The following NFIA variants were observed in gnomAD, a reference collection of about 807,000 sequenced individuals.
The protein encoded by NFIA is nuclear factor I A.
NFIA carries 8 observed loss-of-function variants against 62.8 expected under a neutral mutation model. The ratio of observed to expected loss-of-function variants is 0.13; its 90% CI spans 0.07 to 0.23. NFIA has a LOEUF of 0.23. Among genes scored for constraint, NFIA ranks in the 10% least tolerant of loss-of-function variants. The pLI is 1.00. For missense variants in NFIA, 410 were observed against 642.1 expected (o/e 0.64, Z 3.91); for synonymous variants, 235 against 238.1 (o/e 0.99, Z 0.12).
chr1:61,382,824 A>G (rs1408284857), intron 6 of NFIA, among the ~76,000 whole-genome samples: 1 of 152,192 alleles, frequency 6.6e-6, no homozygotes, highest in Non-Finnish European at 1.5e-5. Context: ...ATATGGAGAA[A>G]GTGATTTGGT....
intron 2 of NFIA, among the ~76,000 whole-genome samples, chr1:61,194,109 T>C (rs1428053387): frequency 6.6e-6 from 1 of 152,202 alleles, no homozygotes; most frequent in Non-Finnish European, 1.5e-5. Context: ...TAATTTAGTG[T>C]CAGGCGGAGA....
At chr1:61,410,558 C>G (rs963129614) in intron 9 of NFIA, among the ~76,000 whole-genome samples, 3 of 152,116 alleles carry the variant, frequency 2.0e-5, no homozygotes, top group African/African-American at 2.4e-5. Context: ...TGTAAAACAG[C>G]CTTTTCTATT....
intron 2 of NFIA, among the ~76,000 whole-genome samples, chr1:61,155,016 G>C (rs1301434638): frequency 6.6e-6 from 1 of 152,126 alleles, no homozygotes; most frequent in Admixed American, 6.5e-5. Flanking sequence ...TGTTAATTCT[G>C]TCACCTTGGA....
At chr1:61,348,104 G>A (rs1466935943) in intron 4 of NFIA, among the ~76,000 whole-genome samples, 1 of 152,158 alleles carries the variant, frequency 6.6e-6, no homozygotes, top group Non-Finnish European at 1.5e-5. Flanking sequence ...AGCTCTTTCT[G>A]TTCTCCAGAT....
chr1:61,364,551 C>G (rs140425920), intron 6 of NFIA, among the ~76,000 whole-genome samples: 1 of 152,164 alleles, frequency 6.6e-6, no homozygotes, highest in South Asian at 2.1e-4. Context: ...AGAACAATTG[C>G]TTAGGCTCAG....
intron 3 of NFIA, among the ~76,000 whole-genome samples, chr1:61,299,788 T>A (rs1246056898): frequency 6.6e-6 from 1 of 152,178 alleles, no homozygotes; most frequent in Non-Finnish European, 1.5e-5. Flanking sequence ...AGTTCTGTGC[T>A]TCCTGGATTA....
chr1:61,118,662 GTGTGTGTGTGTGTGT>G (rs1231564040), intron 2 of NFIA, among the ~76,000 whole-genome samples: 2 of 326 alleles, frequency 6.1e-3, no homozygotes, highest in Non-Finnish European at 0.014. Flanking sequence ...CGGGATGAGT[GTGTGTGTGTGTGTGT>G]GTGTGTGTGT....
intron 1 of NFIA, among the ~76,000 whole-genome samples, chr1:61,087,427 A>C (rs376351969): frequency 1.3e-5 from 2 of 151,774 alleles, no homozygotes; most frequent in East Asian, 3.9e-4. Flanking sequence ...TAGTATTAGC[A>C]ATTATGTCTT....
At chr1:61,119,025 A>G (rs962669816) in intron 2 of NFIA, among the ~76,000 whole-genome samples, 4 of 152,336 alleles carry the variant, frequency 2.6e-5, no homozygotes, top group Middle Eastern at 3.4e-3. Context: ...TTTTCCTCCT[A>G]TAATACAACC....
At chr1:61,127,980 G>A (rs1256868405) in intron 2 of NFIA, among the ~76,000 whole-genome samples, 14 of 152,174 alleles carry the variant, frequency 9.2e-5, no homozygotes, top group South Asian at 6.2e-4. Context: ...TCAAGGGCAG[G>A]GACCTTTGCA....
At chr1:61,277,301 T>G (rs1384910947) in intron 2 of NFIA, among the ~76,000 whole-genome samples, 1 of 152,186 alleles carries the variant, frequency 6.6e-6, no homozygotes, top group Non-Finnish European at 1.5e-5. Flanking sequence ...ACCGTAGGTG[T>G]CCGCAAACCG....
chr1:61,272,690 C>T (rs1347773989), intron 2 of NFIA, among the ~76,000 whole-genome samples: 2 of 152,190 alleles, frequency 1.3e-5, no homozygotes, highest in Admixed American at 1.3e-4. Context: ...TTATTACACT[C>T]AGAGTGTAAT....
intron 2 of NFIA, among the ~76,000 whole-genome samples, chr1:61,102,398 A>C (rs1403956358): frequency 6.6e-6 from 1 of 152,182 alleles, no homozygotes; most frequent in Non-Finnish European, 1.5e-5. Flanking sequence ...GCAATATTTG[A>C]TGTTTCCTTT....
In NFIA at chr1:61,308,720, G is replaced by T. The variant is rs143010556; in HGVS notation, c.626-23792G>T. On this transcript the variant is annotated intron_variant, in intron 3 of 10. Coordinates refer to ENST00000403491, the MANE Select transcript of NFIA (RefSeq NM_001134673.4). Reference sequence around the variant, plus strand: ...TGTCTTAGTTTTCTCAGGAAGCAAAGAAGTTAGTACCTAACTTTCAGATTT... The same window carrying T: ...TGTCTTAGTTTTCTCAGGAAGCAAATAAGTTAGTACCTAACTTTCAGATTT... Among the ~76,000 whole-genome samples, 7 of 152,288 alleles carry T rather than the reference G, an allele frequency of 4.6e-5. No homozygotes were observed. In the East Asian group the frequency reaches 7.7e-4, roughly 17 times the overall value.
chr1:61,089,569 A>C (rs1259106148), intron 2 of NFIA, among the ~76,000 whole-genome samples: 1 of 151,866 alleles, frequency 6.6e-6, no homozygotes, highest in Non-Finnish European at 1.5e-5. Flanking sequence ...TGTTGACTTT[A>C]TATATGTACA....
At chr1:61,391,553 A>G (rs1199166435) in intron 7 of NFIA, among the ~76,000 whole-genome samples, 4 of 151,782 alleles carry the variant, frequency 2.6e-5, no homozygotes, top group South Asian at 2.1e-4. Context: ...AGCCTAATAT[A>G]TGTTTGGTTT....
intron 2 of NFIA, among the ~76,000 whole-genome samples, chr1:61,095,292 A>C (rs1350328780): frequency 6.6e-6 from 1 of 152,212 alleles, no homozygotes; most frequent in Non-Finnish European, 1.5e-5. Flanking sequence ...TGTCATAGTC[A>C]TATATTGTAG....
chr1:61,188,659 G>A (rs1557624164), intron 2 of NFIA, among the ~76,000 whole-genome samples: 1 of 152,148 alleles, frequency 6.6e-6, no homozygotes, highest in Admixed American at 6.5e-5. Flanking sequence ...GACTCTTCTA[G>A]GGCATTTATG....
At chr1:61,139,148 A>C (rs565636297) in intron 2 of NFIA, among the ~76,000 whole-genome samples, 294 of 152,296 alleles carry the variant, frequency 1.9e-3, no homozygotes, top group African/African-American at 6.8e-3. Context: ...ACTGCACTCC[A>C]GCCTGGGCAA....
Sources: allele counts gnomAD v4.1 joint callset (sites outside exome capture counted in the v4.1 genomes callset), GRCh38; gene constraint gnomAD v4.1.1; transcripts MANE v1.5; gene names NCBI Gene and HGNC (gene_info 2026-07-23, HGNC 2026-07-21).